Variants in OPCML observed in about 807,000 individuals in gnomAD.
OPCML encodes the protein opioid binding protein/cell adhesion molecule like, also known as opioid-binding protein/cell adhesion molecule.
In OPCML, 13 loss-of-function variants were observed where a neutral mutation model predicts 37.8. The ratio of observed to expected loss-of-function variants is 0.34; its 90% CI spans 0.22 to 0.55. The LOEUF (loss-of-function observed/expected upper bound fraction) is 0.55. Ranked by LOEUF, OPCML falls within the 20% of genes least tolerant of loss-of-function variation. The pLI, the probability that OPCML is intolerant of heterozygous loss-of-function variation, is 0.91. For synonymous variants in OPCML, 176 were observed against 168.8 expected (o/e 1.04, Z -0.33); for missense variants, 341 against 435.6 (o/e 0.78, Z 1.93).
intron 1 of OPCML, among the ~76,000 whole-genome samples, chr11:133,019,159 TG>T (rs921163830): frequency 2.0e-5 from 3 of 152,190 alleles, no homozygotes; most frequent in African/African-American, 7.2e-5. Flanking sequence ...TGGCTTTGGT[TG>T]CCTTTTGAAA....
At chr11:133,498,490 G>T (rs888330046) in intron 1 of OPCML, among the ~76,000 whole-genome samples, 2 of 152,186 alleles carry the variant, frequency 1.3e-5, no homozygotes, top group South Asian at 4.1e-4. Flanking sequence ...ACAATATCGC[G>T]CAGGGCCCCT....
intron 3 of OPCML, among the ~76,000 whole-genome samples, chr11:132,645,901 T>C (rs1162684245): frequency 1.3e-5 from 2 of 152,326 alleles, no homozygotes; most frequent in South Asian, 4.1e-4. Context: ...AAAGGTCTAT[T>C]GGACAGTACT....
chr11:133,243,150 G>C (rs917061487), intron 1 of OPCML, among the ~76,000 whole-genome samples: 1 of 152,036 alleles, frequency 6.6e-6, no homozygotes, highest in African/African-American at 2.4e-5. Context: ...CAGAACTCAG[G>C]GCAAACAAGA....
intron 3 of OPCML, among the ~76,000 whole-genome samples, chr11:132,531,821 C>T (rs895512616): frequency 6.6e-6 from 1 of 150,464 alleles, no homozygotes; most frequent in African/African-American, 2.5e-5. Context: ...AATGTCAATA[C>T]TTTTTTCACT....
At chr11:133,364,646 G>T (rs990662654) in intron 1 of OPCML, among the ~76,000 whole-genome samples, 8 of 152,176 alleles carry the variant, frequency 5.3e-5, no homozygotes, top group Admixed American at 2.0e-4. Context: ...ATTATTTTAA[G>T]CATCAAATGG....
At chr11:132,876,135 A>G in intron 2 of OPCML, among the ~76,000 whole-genome samples, 1 of 152,192 alleles carries the variant, frequency 6.6e-6, no homozygotes, top group African/African-American at 2.4e-5. Flanking sequence ...AGTCCAAACT[A>G]ACTCCAATTC....
rs1944750463 is a variant in OPCML, at chr11:133,374,370, AG to A, written c.61+157893del. ...AAGGCAGGAATCCCCAAGAGGCATG[AG>A]GAAACGTTTGGGAATAATGGATATC... On this transcript the variant is annotated intron_variant, in intron 1 of 7. Coordinates refer to ENST00000524381, the MANE Select transcript of OPCML (RefSeq NM_001012393.5). Among the ~76,000 whole-genome samples the A allele has an allele frequency of 2.0e-5, 3 of 152,226 alleles. No homozygotes were observed. In the South Asian group the frequency reaches 6.2e-4, roughly 31 times the overall value.
intron 1 of OPCML, among the ~76,000 whole-genome samples, chr11:132,980,046 G>A (rs1946549224): frequency 6.6e-6 from 1 of 152,198 alleles, no homozygotes; most frequent in African/African-American, 2.4e-5. Context: ...TTTTAGTTGA[G>A]TAGAGAGAGC....
chr11:132,426,111 C>A (rs1009943242), intron 7 of OPCML, among the ~76,000 whole-genome samples: 2 of 152,112 alleles, frequency 1.3e-5, no homozygotes, highest in African/African-American at 4.8e-5. Context: ...AATGAAGATG[C>A]AAAGCCACAA....
At chr11:133,334,710 G>A (rs747968700) in intron 1 of OPCML, among the ~76,000 whole-genome samples, 10 of 152,152 alleles carry the variant, frequency 6.6e-5, no homozygotes, top group Middle Eastern at 3.2e-3. Flanking sequence ...TTAGGGTCCA[G>A]AACAAGCAGA....
intron 1 of OPCML, among the ~76,000 whole-genome samples, chr11:132,998,700 A>G (rs187747517): frequency 3.3e-5 from 5 of 152,278 alleles, no homozygotes; most frequent in Admixed American, 3.3e-4. Flanking sequence ...GGAGGTGATT[A>G]GGTCATGAGG....
chr11:133,353,135 C>T (rs2136696524), intron 1 of OPCML, among the ~76,000 whole-genome samples: 1 of 152,274 alleles, frequency 6.6e-6, no homozygotes, highest in South Asian at 2.1e-4. Flanking sequence ...CCAAAGCATC[C>T]TTCCTTTGCC....
intron 1 of OPCML, among the ~76,000 whole-genome samples, chr11:133,303,217 G>GC (rs954290918): frequency 7.2e-5 from 11 of 152,112 alleles, no homozygotes; most frequent in African/African-American, 2.2e-4. Context: ...GAAAATATGA[G>GC]CCCCCCTGGT....
intron 4 of OPCML, among the ~76,000 whole-genome samples, chr11:132,450,061 A>G (rs1397113740): frequency 6.6e-6 from 1 of 152,168 alleles, no homozygotes; most frequent in African/African-American, 2.4e-5. Flanking sequence ...GTGATGTGAC[A>G]TGGTGGCTGC....
chr11:132,767,890 A>G (rs992952620), intron 2 of OPCML, among the ~76,000 whole-genome samples: 1 of 152,184 alleles, frequency 6.6e-6, no homozygotes, highest in African/African-American at 2.4e-5. Flanking sequence ...TAGAGTCTAG[A>G]AATATTTTAT....
chr11:132,817,294 G>GA (rs35121846), intron 2 of OPCML: 1 of 152,092 alleles, frequency 6.6e-6, no homozygotes, highest in Non-Finnish European at 1.5e-5. Context: ...GATACACTCT[G>GA]AAAAAGGAGT....
intron 3 of OPCML, among the ~76,000 whole-genome samples, chr11:132,531,756 G>GTT (rs11456087): frequency 0.19 from 28,156 of 146,710 alleles, 2,937 homozygotes; most frequent in East Asian, 0.39. Flanking sequence ...TGTTCTACCC[G>GTT]TTTTTTTTTT....
intron 1 of OPCML, among the ~76,000 whole-genome samples, chr11:133,034,129 G>A (rs537829522): frequency 1.3e-5 from 2 of 152,148 alleles, no homozygotes; most frequent in Admixed American, 1.3e-4. Flanking sequence ...AAGAGGCTGA[G>A]GGGATGCTCC....
At chr11:132,903,326 G>C (rs983306560) in intron 2 of OPCML, among the ~76,000 whole-genome samples, 5 of 152,174 alleles carry the variant, frequency 3.3e-5, no homozygotes, top group Non-Finnish European at 7.3e-5. Context: ...CCATAAACTA[G>C]ACATGGCTGA....
Sources: gnomAD v4.1 joint callset for allele counts (sites outside exome capture counted in the v4.1 genomes callset) on GRCh38, gnomAD v4.1.1 for gene constraint, MANE v1.5 for transcripts, NCBI Gene and HGNC (gene_info 2026-07-23, HGNC 2026-07-21) for gene names.